CDH3: variants seen among roughly 807,000 people sequenced by gnomAD.
CDH3 encodes the protein cadherin-3.
CDH3 carries 54 observed loss-of-function variants against 82.0 expected under a neutral mutation model. That is an observed-to-expected ratio of 0.66 (90% CI 0.53 to 0.83). The LOEUF is 0.83. Ranked by LOEUF, CDH3 falls within the 40% of genes least tolerant of loss-of-function variation. The pLI is 0.00. For missense variants in CDH3, 1,054 were observed against 1,084.6 expected (o/e 0.97, Z 0.40); for synonymous variants, 446 against 437.9 (o/e 1.02, Z -0.23).
At chr16:68,677,041 T>C (rs1172568455) in intron 3 of CDH3, among the ~76,000 whole-genome samples, 2 of 152,252 alleles carry the variant, frequency 1.3e-5, no homozygotes, top group Admixed American at 6.5e-5. Context: ...TTCCAGAGTT[T>C]ATATATAGTC....
At chr16:68,728,411 C>A (rs1361577003), downstream of CDH3, among the ~76,000 whole-genome samples, 1 of 152,050 alleles carries the variant, frequency 6.6e-6, no homozygotes, top group African/African-American at 2.4e-5. Flanking sequence ...GTCATCTGCC[C>A]GCCTCGGCCT....
At chr16:68,651,737 G>C (rs1411732977) in intron 2 of CDH3, 3 of 507,078 alleles carry the variant, frequency 5.9e-6, no homozygotes, top group Non-Finnish European at 1.2e-5. Context: ...GGTTGATCTA[G>C]GGGACTGAGC....
chr16:68,709,236 C>A (rs1961999426), intron 1 of CDH3, among the ~76,000 whole-genome samples: 1 of 152,110 alleles, frequency 6.6e-6, no homozygotes, highest in Non-Finnish European at 1.5e-5. Context: ...CCACCACCCC[C>A]AGCTGATTTT....
intron 12 of CDH3, among the ~76,000 whole-genome samples, chr16:68,690,906 C>T (rs1961550627): frequency 1.3e-5 from 2 of 151,578 alleles, no homozygotes; most frequent in Non-Finnish European, 2.9e-5. Context: ...GACTTAGTCT[C>T]AAAAAAATTG....
At chr16:68,652,549 A>T (rs900944907) in intron 2 of CDH3, among the ~76,000 whole-genome samples, 6 of 152,216 alleles carry the variant, frequency 3.9e-5, no homozygotes, top group African/African-American at 1.4e-4. Flanking sequence ...CTGAGGCTGA[A>T]CAGTCTCCAT....
intron 2 of CDH3, among the ~76,000 whole-genome samples, chr16:68,663,975 T>TA (rs1218366684): frequency 1.1e-5 from 1 of 90,948 alleles, no homozygotes; most frequent in East Asian, 3.8e-4. Flanking sequence ...CCTCCCCCAC[T>TA]ATGCTAAGTA....
At chr16:68,679,332 C>A (rs896763252) in intron 6 of CDH3, among the ~76,000 whole-genome samples, 10 of 152,178 alleles carry the variant, frequency 6.6e-5, no homozygotes, top group Admixed American at 4.6e-4. Context: ...TAATACAGAG[C>A]GCCTAATGCG....
the CDH3 span, among the ~76,000 whole-genome samples, chr16:68,733,023 G>A: frequency 1.3e-5 from 2 of 152,104 alleles, no homozygotes; most frequent in African/African-American, 4.8e-5. Flanking sequence ...AACTGGAAAG[G>A]GAATGTATTG....
intron 3 of CDH3, among the ~76,000 whole-genome samples, chr16:68,677,198 T>G (rs1300110443): frequency 6.6e-6 from 1 of 152,218 alleles, no homozygotes; most frequent in Non-Finnish European, 1.5e-5. Flanking sequence ...CTTTTTCTAC[T>G]TAACAGTGTA....
intron 2 of CDH3, among the ~76,000 whole-genome samples, chr16:68,656,362 T>G (rs1960411375): frequency 6.6e-6 from 1 of 152,166 alleles, no homozygotes; most frequent in Non-Finnish European, 1.5e-5. Flanking sequence ...CTGCCTCAGT[T>G]GCCTTTTTCT....
chr16:68,686,963 C>G (rs999939033), intron 11 of CDH3, among the ~76,000 whole-genome samples: 7 of 152,148 alleles, frequency 4.6e-5, no homozygotes, highest in Non-Finnish European at 7.3e-5. Flanking sequence ...GTAAGACTCT[C>G]AAATAAGTAA....
At chr16:68,712,688 CT>C (rs199836116) in intron 1 of CDH3, among the ~76,000 whole-genome samples, 85 of 143,876 alleles carry the variant, frequency 5.9e-4, no homozygotes, top group Non-Finnish European at 4.7e-4. Flanking sequence ...TCCCAGGTTC[CT>C]TTTTTTTTTT....
At position 68,695,280 on chromosome 16, in the gene CDH3, G is replaced by C. The variant is rs1961684505; in HGVS notation, c.2028G>C (p.Leu676Phe). ...LLFLLLVLLLLVRKKRKIKEP... is the reference protein window; with the variant it reads ...LLFLLLVLLLFVRKKRKIKEP... ...TCCTCCTGCTGGTGCTGCTTTTGTT[G>C]GTGAGAAAGAAGCGGAAGATCAAGG... The change falls in exon 14 of 16, where the codon TTG (leucine) becomes TTC (phenylalanine). Residue 676 changes from leucine to phenylalanine, a missense_variant. Transcript: ENST00000264012. 1 of 1,613,980 alleles carries C rather than the reference G, an allele frequency of 6.2e-7. No homozygotes were observed. Among genetic ancestry groups the C allele is most frequent in the Non-Finnish European group, 8.5e-7 (1 of 1,180,032 alleles).
In CDH3 at chr16:68,676,476, A is replaced by T. The variant is rs376051800; in HGVS notation, c.246+6A>T. 6 of 1,602,024 alleles carry T rather than the reference A, an allele frequency of 3.7e-6. No homozygotes were observed. The Admixed American group carries it at 8.3e-5, about 22-fold the overall frequency. On this transcript the variant is annotated splice_donor_region_variant and intron_variant, in intron 3 of 15. Coordinates refer to ENST00000264012, the MANE Select transcript of CDH3 (RefSeq NM_001793.6). Reference sequence around the variant, plus strand: ...GGAATGGCGAGACAGTCCAGGTAAAATACCATGTCCACCTGCAGGACAAAA... The same window carrying T: ...GGAATGGCGAGACAGTCCAGGTAAATTACCATGTCCACCTGCAGGACAAAA...
chr16:68,685,450 G>T (rs1029013470), intron 11 of CDH3, 100 bp downstream of exon 11: 14 of 1,319,860 alleles, frequency 1.1e-5, no homozygotes, highest in South Asian at 1.2e-5. Flanking sequence ...AACATGTGTC[G>T]AGGAGGGCTA....
At position 68,718,098 on chromosome 16, in the gene CDH3, C is replaced by T. The variant is rs2152110893; in HGVS notation, c.100-4327C>T. Among the ~76,000 whole-genome samples the T allele has an allele frequency of 1.3e-5, 2 of 152,126 alleles. 1 individual carries two copies. The highest frequency in any genetic ancestry group is 4.2e-4 in the South Asian group (2 of 4,810). ...AATCATGGCTCACTGCAATCTCTGC[C>T]CCCAGGTTCAAGTGATCCTCCTACC... On this transcript the variant is annotated intron_variant, in intron 1 of 2. Transcript: ENST00000569080.
At chr16:68,669,003 T>C (rs1163994514) in intron 2 of CDH3, among the ~76,000 whole-genome samples, 2 of 152,222 alleles carry the variant, frequency 1.3e-5, no homozygotes, top group East Asian at 1.9e-4. Flanking sequence ...TATATAATCA[T>C]ACAATTTGCC....
Position 68,679,354 on chromosome 16 carries a change from A to T in CDH3, c.692-445A>T, listed in dbSNP as rs1075649. 9.5e-3 allele frequency among the ~76,000 whole-genome samples: 1,444 copies of T among 152,314 alleles called. 25 individuals carry two copies. Among genetic ancestry groups the T allele is most frequent in the African/African-American group, 0.033 (1,357 of 41,568 alleles). On this transcript the variant is annotated intron_variant, in intron 6 of 15. Transcript: ENST00000264012. ...GAGCGCCTAATGCGAAGCTCTTGAG[A>T]GCATGGCAGCCACAGGGAATGCAGC...
At chr16:68,689,488 A>G (rs1961503820) in intron 12 of CDH3, among the ~76,000 whole-genome samples, 1 of 151,816 alleles carries the variant, frequency 6.6e-6, no homozygotes, top group African/African-American at 2.4e-5. Flanking sequence ...GTGAGCCAAG[A>G]TCGCGCCACT....
Sources: allele counts gnomAD v4.1 joint callset (sites outside exome capture counted in the v4.1 genomes callset), GRCh38; gene constraint gnomAD v4.1.1; transcripts MANE v1.5; gene names NCBI Gene and HGNC (gene_info 2026-07-23, HGNC 2026-07-21).